Variants in ANKRD6 observed in about 807,000 individuals in gnomAD.
The protein encoded by ANKRD6 is ankyrin repeat domain-containing protein 6.
In ANKRD6, 56 loss-of-function variants were observed where a neutral mutation model predicts 82.3. That is an observed-to-expected ratio of 0.68 (90% CI 0.55 to 0.85). The LOEUF (loss-of-function observed/expected upper bound fraction) is 0.85. ANKRD6 is among the 40% of genes least tolerant of loss of function. The probability of loss-of-function intolerance (pLI) is 0.00; values close to 1 mark genes in which losing one functional copy is unlikely to be tolerated. For synonymous variants in ANKRD6, 347 were observed against 352.1 expected, an observed-to-expected ratio of 0.99 and a Z score of 0.16; for missense variants, 852 against 907.6, an observed-to-expected ratio of 0.94 and a Z score of 0.79.
intron 1 of ANKRD6, among the ~76,000 whole-genome samples, chr6:89,539,617 A>G (rs1348905894): frequency 2.6e-5 from 4 of 152,134 alleles, no homozygotes; most frequent in Non-Finnish European, 5.9e-5. Context: ...TGAAATACAC[A>G]CATCATGAAG....
rs181476262 is a variant in ANKRD6 at position 89,629,367 on chromosome 6, A to G, written c.1612+129A>G. Reference sequence around the variant, plus strand: ...CACTGGATGGTAAAGTGCACTCTGTAGGGGCAAGGACTGTATTTTGCTCGT... The same window carrying G: ...CACTGGATGGTAAAGTGCACTCTGTGGGGGCAAGGACTGTATTTTGCTCGT... On this transcript the variant is annotated intron_variant, in intron 15 of 15. Coordinates refer to ENST00000339746, the MANE Select transcript of ANKRD6 (RefSeq NM_001242809.2). 1.6e-5 allele frequency: 21 copies of G among 1,332,408 alleles called. No individual in the cohort carries two copies. The Admixed American group carries it at 2.0e-4, about 12-fold the overall frequency. 82.5% of individuals were successfully genotyped at this position (1,332,408 alleles called of 1,614,324 possible). A position where few individuals can be genotyped will look rare whatever the true frequency, so the allele number is the denominator to read the frequency against.
intron 7 of ANKRD6, among the ~76,000 whole-genome samples, chr6:89,615,978 C>T (rs927821034): frequency 1.3e-5 from 2 of 152,224 alleles, no homozygotes; most frequent in Admixed American, 6.5e-5. Flanking sequence ...TGAGTGAACA[C>T]TGGTTCTTGG....
chr6:89,595,050 C>T (rs973861254), intron 2 of ANKRD6, among the ~76,000 whole-genome samples: 3 of 152,150 alleles, frequency 2.0e-5, no homozygotes, highest in Non-Finnish European at 2.9e-5. Flanking sequence ...CTACACCCAG[C>T]GTAGAATTTT....
chr6:89,498,798 AAGCTCCTGAAT>A (rs1345020638), intron 1 of ANKRD6, among the ~76,000 whole-genome samples: 8 of 152,244 alleles, frequency 5.3e-5, no homozygotes, highest in African/African-American at 1.7e-4. Context: ...AAGGAGAAAT[AAGCTCCTGAAT>A]AGCTTTGTGG....
At chr6:89,627,216 C>T (rs1583982737) in intron 13 of ANKRD6, among the ~76,000 whole-genome samples, 2 of 152,170 alleles carry the variant, frequency 1.3e-5, no homozygotes, top group South Asian at 4.2e-4. Flanking sequence ...GCCACCACAC[C>T]CGGCTAATTT....
intron 1 of ANKRD6, among the ~76,000 whole-genome samples, chr6:89,535,736 A>C (rs557891127): frequency 6.6e-6 from 1 of 152,200 alleles, no homozygotes; most frequent in Non-Finnish European, 1.5e-5. Flanking sequence ...TGGAAAGTTG[A>C]TTCCTTCTTG....
At chr6:89,585,599 G>C (rs982254768) in intron 2 of ANKRD6, among the ~76,000 whole-genome samples, 3 of 152,226 alleles carry the variant, frequency 2.0e-5, no homozygotes, top group African/African-American at 7.2e-5. Flanking sequence ...CACGATTAGA[G>C]ATGCAAGTTT....
chr6:89,629,324 T>G, intron 15 of ANKRD6, 86 bp downstream of exon 15: 1 of 1,570,036 alleles, frequency 6.4e-7, no homozygotes, highest in Non-Finnish European at 8.7e-7. Flanking sequence ...GCAGTACGTA[T>G]GCTAGGGCTG....
intron 1 of ANKRD6, among the ~76,000 whole-genome samples, chr6:89,537,422 G>A (rs1783967083): frequency 6.6e-6 from 1 of 152,034 alleles, no homozygotes; most frequent in Non-Finnish European, 1.5e-5. Flanking sequence ...CTAATTGCCA[G>A]TGATTCTTCT....
chr6:89,567,495 G>C (rs1415216097), intron 2 of ANKRD6, among the ~76,000 whole-genome samples: 2 of 152,148 alleles, frequency 1.3e-5, no homozygotes, highest in Admixed American at 6.5e-5. Flanking sequence ...CCGTCTGTAT[G>C]ATGACGGCCT....
At chr6:89,608,701 C>T (rs987918841) in intron 5 of ANKRD6, among the ~76,000 whole-genome samples, 3 of 152,132 alleles carry the variant, frequency 2.0e-5, no homozygotes, top group Admixed American at 2.0e-4. Context: ...GCCATGCCTT[C>T]GTCATTTTCA....
rs188023020 is a variant in ANKRD6 at position 89,478,728 on chromosome 6, G to C, written c.-144+45353G>C. Among the ~76,000 whole-genome samples, 771 of 144,420 alleles carry C rather than the reference G, an allele frequency of 5.3e-3. 6 individuals are homozygous for C. The highest frequency in any genetic ancestry group is 0.018 in the African/African-American group (689 of 38,214). 94.7% of individuals were successfully genotyped at this position (144,420 alleles called of 152,430 possible). ...GCTGAGATTGCACCACTGCACTCCA[G>C]CCTGGGCGACAGAGTGAGACTCTGT... On this transcript the variant is annotated intron_variant, in intron 1 of 15. Transcript: ENST00000339746.
At chr6:89,619,332 C>G (rs1430126529) in intron 9 of ANKRD6, among the ~76,000 whole-genome samples, 1 of 152,120 alleles carries the variant, frequency 6.6e-6, no homozygotes, top group Non-Finnish European at 1.5e-5. Context: ...ACGTCAGAAC[C>G]CATCACATTT....
chr6:89,458,564 T>A (rs1456425464), intron 1 of ANKRD6, among the ~76,000 whole-genome samples: 1 of 151,812 alleles, frequency 6.6e-6, no homozygotes, highest in African/African-American at 2.4e-5. Flanking sequence ...GAACCTGGAG[T>A]CTGATGTTTG....
intron 1 of ANKRD6, among the ~76,000 whole-genome samples, chr6:89,491,133 C>T (rs377354983): frequency 3.9e-5 from 6 of 152,094 alleles, no homozygotes; most frequent in Non-Finnish European, 5.9e-5. Flanking sequence ...ACAGCTCCGC[C>T]GACAACTTCA....
intron 2 of ANKRD6, among the ~76,000 whole-genome samples, chr6:89,572,147 A>G (rs958106175): frequency 3.9e-5 from 6 of 152,206 alleles, no homozygotes; most frequent in African/African-American, 1.4e-4. Context: ...TTGTATGGAT[A>G]TACTACAGTT....
rs891188904 is a variant in ANKRD6 at position 89,632,809 on chromosome 6, T to C, written c.*1805T>C. 1 of 152,336 alleles carries C rather than the reference T, an allele frequency of 6.6e-6. No individual in the cohort carries two copies. Among genetic ancestry groups the C allele is most frequent in the African/African-American group, 2.4e-5 (1 of 41,578 alleles). 9.4% of individuals were successfully genotyped at this position (152,336 alleles called of 1,614,324 possible). A position where few individuals can be genotyped will look rare whatever the true frequency, so the allele number is the denominator to read the frequency against. Reference sequence around the variant, plus strand: ...GAGAGTACCTTCAGTTTTCTAAATCTATTCTCAAACAGGATATCACTAACC... The same window carrying C: ...GAGAGTACCTTCAGTTTTCTAAATCCATTCTCAAACAGGATATCACTAACC... On this transcript the variant is annotated 3_prime_UTR_variant, in exon 16 of 16. Coordinates refer to ENST00000339746, the MANE Select transcript of ANKRD6 (RefSeq NM_001242809.2).
At chr6:89,510,250 T>C (rs1466902424) in intron 1 of ANKRD6, among the ~76,000 whole-genome samples, 1 of 152,238 alleles carries the variant, frequency 6.6e-6, no homozygotes, top group Non-Finnish European at 1.5e-5. Context: ...ATTTAGCCAC[T>C]GAGATTTGAG....
At chr6:89,480,539 A>T (rs1167319670) in intron 1 of ANKRD6, among the ~76,000 whole-genome samples, 2 of 150,424 alleles carry the variant, frequency 1.3e-5, no homozygotes, top group Non-Finnish European at 3.0e-5. Context: ...TTTTTTATAT[A>T]TTTTATATAT....
Sources: allele counts gnomAD v4.1 joint callset (sites outside exome capture counted in the v4.1 genomes callset), GRCh38; gene constraint gnomAD v4.1.1; transcripts MANE v1.5; gene names NCBI Gene and HGNC (gene_info 2026-07-23, HGNC 2026-07-21).